LYPD3: variants seen among roughly 807,000 people sequenced by gnomAD.
LYPD3 encodes ly6/PLAUR domain-containing protein 3.
A neutral mutation model predicts 21.7 loss-of-function variants in LYPD3; 22 were observed. The observed-to-expected ratio is 1.01, with a 90% CI of 0.72 to 1.45. LYPD3 has a LOEUF of 1.45. Among genes scored for constraint, LYPD3 ranks in the 40% most tolerant of loss-of-function variants. The probability of loss-of-function intolerance (pLI) is 0.00; values close to 1 mark genes in which losing one functional copy is unlikely to be tolerated. For synonymous variants in LYPD3, 179 were observed against 203.0 expected (o/e 0.88, Z 1.00); for missense variants, 471 against 466.9 (o/e 1.01, Z -0.08).
At chr19:43,464,118 G>T in intron 2 of LYPD3, 1 of 750,254 alleles carries the variant, frequency 1.3e-6, no homozygotes, top group South Asian at 1.9e-5. Context: ...GCCCCACCCA[G>T]TTCTCAACTC....
Position 43,461,250 on chromosome 19 carries a change from G to A in LYPD3, c.*101C>T. 7.4e-7 allele frequency: 1 copy of A among 1,353,252 alleles called. No individual in the cohort carries two copies. The highest frequency in any genetic ancestry group is 9.9e-7 in the Non-Finnish European group (1 of 1,011,872). 83.8% of individuals were successfully genotyped at this position (1,353,252 alleles called of 1,614,324 possible). The stretch of plus-strand genomic sequence containing the variant: ...ACTGGGGAATGTTGGAAAAACAGGG[G>A]CTGGGCCAGCCCAGTCCAGTGGTGG... On this transcript the variant is annotated 3_prime_UTR_variant, in exon 5 of 5. Transcript: ENST00000244333.
Position 43,461,589 on chromosome 19 carries a change from G to A in LYPD3, c.803C>T (p.Thr268Ile). ...STSAPVRPTS[T>I]TKPMPAPTSQ... ...GGTTGGCGCTGGCATGGGTTTGGTG[G>A]TGGATGTGGGTCTCACTGGGGCCGA... Residue 268 changes from threonine to isoleucine, a missense_variant, in exon 5 of 5, where the codon ACC becomes ATC. Physicochemically the swap from Thr to Ile is moderately conservative, Grantham distance 89. Coordinates refer to ENST00000244333, the MANE Select transcript of LYPD3 (RefSeq NM_014400.3). 6.2e-7 allele frequency: 1 copy of A among 1,614,184 alleles called. No individual in the cohort carries two copies. Among genetic ancestry groups the A allele is most frequent in the Non-Finnish European group, 8.5e-7 (1 of 1,180,020 alleles).
In LYPD3 at chr19:43,461,235, G is replaced by T; in HGVS notation, c.*116C>A. 16 of 1,259,228 alleles carry T rather than the reference G, an allele frequency of 1.3e-5. 1 individual carries two copies. The South Asian group carries it at 2.2e-4, about 18-fold the overall frequency. 78.0% of individuals were successfully genotyped at this position (1,259,228 alleles called of 1,614,324 possible). Reference sequence around the variant, plus strand: ...GCAGAAGCTGGGGATACTGGGGAATGTTGGAAAAACAGGGGCTGGGCCAGC... The same window carrying T: ...GCAGAAGCTGGGGATACTGGGGAATTTTGGAAAAACAGGGGCTGGGCCAGC... On this transcript the variant is annotated 3_prime_UTR_variant, in exon 5 of 5. Transcript: ENST00000244333.
At chr19:43,463,981 C>T in intron 2 of LYPD3, 1 of 633,944 alleles carries the variant, frequency 1.6e-6, no homozygotes, top group Non-Finnish European at 2.7e-6. Flanking sequence ...GGAACGGGGG[C>T]GGAACCTCAA....
chr19:43,461,599 G>A lies in LYPD3; in HGVS notation c.793C>T (p.Pro265Ser), dbSNP rs747138379. 10 of 1,614,062 alleles carry A rather than the reference G, an allele frequency of 6.2e-6. No homozygotes were observed. The highest frequency in any genetic ancestry group is 8.5e-7 in the Non-Finnish European group (1 of 1,180,038). ...VTTSTSAPVR[P>S]TSTTKPMPAP... ...GGCATGGGTTTGGTGGTGGATGTGG[G>A]TCTCACTGGGGCCGAGGTAGAAGTG... is the stretch of plus-strand genomic sequence containing the variant. Residue 265 changes from proline to serine, a missense_variant, in exon 5 of 5, where the codon CCC (proline) becomes TCC (serine). By Grantham distance (74) the Pro-to-Ser change is moderately conservative. Coordinates refer to ENST00000244333, the MANE Select transcript of LYPD3 (RefSeq NM_014400.3).
chr19:43,465,319 A>G (rs1255721294), intron 1 of LYPD3, among the ~76,000 whole-genome samples, 174 bp downstream of exon 1: 2 of 152,106 alleles, frequency 1.3e-5, no homozygotes, highest in African/African-American at 4.8e-5. Context: ...CCTACGGCCC[A>G]TGGTGGAGGA....
chr19:43,463,271 G>A lies in LYPD3; in HGVS notation c.399C>T (p.Tyr133=), dbSNP rs79420167. ...TGTAGCACTCCACGCCGTTGGGCGG[G>A]TATGCACTCTCATTACCTGCGAGGG... ...ALDPAGNESA[Y]PPNGVECYSC... Residue 133 remains tyrosine, a synonymous_variant, in exon 4 of 5, where the codon TAC becomes TAT. Coordinates refer to ENST00000244333, the MANE Select transcript of LYPD3 (RefSeq NM_014400.3). 2,842 of 1,603,060 alleles carry A rather than the reference G, an allele frequency of 1.8e-3. 57 individuals are homozygous for A. The African/African-American group carries it at 0.034, about 19-fold the overall frequency.
At chr19:43,464,260 T>G (rs1970802208) in intron 2 of LYPD3, 65 bp downstream of exon 2, 1 of 1,541,648 alleles carries the variant, frequency 6.5e-7, no homozygotes, top group African/African-American at 1.4e-5. Flanking sequence ...GAAAGGACTA[T>G]AAGGAGGCGG....
rs540695220 is a variant in LYPD3, at chr19:43,463,037, C to T, written c.544+89G>A. ...CAGAATGCGTCGCAGGTTAAGGAAA[C>T]GCTTTGGGTAAAGGGCTCCCTACCG... On this transcript the variant is annotated intron_variant, in intron 4 of 4. Coordinates refer to ENST00000244333, the MANE Select transcript of LYPD3 (RefSeq NM_014400.3). 17 of 1,442,774 alleles carry T rather than the reference C, an allele frequency of 1.2e-5. No individual in the cohort carries two copies. The South Asian group carries it at 1.8e-4, about 15-fold the overall frequency. 89.4% of individuals were successfully genotyped at this position (1,442,774 alleles called of 1,614,324 possible).
At position 43,465,550 on chromosome 19, in the gene LYPD3, C is replaced by T; in HGVS notation, c.22G>A (p.Gly8Ser). 6.2e-7 allele frequency: 1 copy of T among 1,610,604 alleles called. No homozygotes were observed. The highest frequency in any genetic ancestry group is 8.5e-7 in the Non-Finnish European group (1 of 1,179,998). The change falls in exon 1 of 5, where the codon GGT becomes AGT. Residue 8 changes from glycine to serine, a missense_variant. Gly to Ser is a moderately conservative substitution (Grantham distance 56). Transcript: ENST00000244333. The stretch of plus-strand genomic sequence containing the variant: ...GCAGTCCAGATCATGGCCTGGGCAC[C>T]TGCTTTCCTGGCGGGGTCCATGGCT... The part of the protein sequence containing the change: MDPARKA[G>S]AQAMIWTAGW...
chr19:43,464,170 C>T, intron 2 of LYPD3, 155 bp downstream of exon 2: 1 of 997,534 alleles, frequency 1.0e-6, no homozygotes, highest in South Asian at 1.7e-5. Context: ...GAAGGCCTGG[C>T]CTGCAAGGCT....
Position 43,461,697 on chromosome 19 carries a change from G to C in LYPD3, c.695C>G (p.Ser232Cys). Residue 232 changes from serine (S) to cysteine (C), a missense_variant, in exon 5 of 5, where the codon TCC (serine) becomes TGC (cysteine). Coordinates refer to ENST00000244333, the MANE Select transcript of LYPD3 (RefSeq NM_014400.3). Reference protein sequence around the residue: ...NSDLRNKTYFSPRIPPLVRLP... With the variant: ...NSDLRNKTYFCPRIPPLVRLP... ...CCGGACAAGGGGTGGGATTCGAGGG[G>C]AGAAGTAGGTCTTGTTGCGGAGGTC... 5.0e-6 allele frequency: 8 copies of C among 1,614,148 alleles called. No homozygotes were observed. The highest frequency in any genetic ancestry group is 6.8e-6 in the Non-Finnish European group (8 of 1,180,024).
chr19:43,464,392 C>T lies in LYPD3; in HGVS notation c.144G>A (p.Lys48=), dbSNP rs145603683. The T allele has an allele frequency of 1.9e-6, 3 of 1,614,030 alleles. No homozygotes were observed. In the African/African-American group the frequency reaches 4.0e-5, roughly 22 times the overall value. Residue 48 remains lysine, a synonymous_variant, in exon 2 of 5, where the codon AAG becomes AAA. Coordinates refer to ENST00000244333, the MANE Select transcript of LYPD3 (RefSeq NM_014400.3). ...QKADDGCSPN[K]MKTVKCAPGV... is the part of the protein sequence containing the mutation. ...CCGGCGCGCACTTCACTGTCTTCAT[C>T]TTGTTCGGGGAGCATCCGTCATCTG...
rs779940275 is a variant in LYPD3, at chr19:43,461,597, G to A, written c.795C>T (p.Pro265=). ...VTTSTSAPVR[P]TSTTKPMPAP... ...CTGGCATGGGTTTGGTGGTGGATGT[G>A]GGTCTCACTGGGGCCGAGGTAGAAG... is the stretch of plus-strand genomic sequence containing the variant. The change falls in exon 5 of 5, where the codon CCC becomes CCT. Residue 265 remains proline, a synonymous_variant. Coordinates refer to ENST00000244333, the MANE Select transcript of LYPD3 (RefSeq NM_014400.3). The A allele has an allele frequency of 1.2e-6, 2 of 1,614,144 alleles. No homozygotes were observed. The highest frequency in any genetic ancestry group is 4.5e-5 in the East Asian group (2 of 44,882).
rs1446902150 is a variant in LYPD3, at chr19:43,463,670, T to C, written c.311A>G (p.Gln104Arg). ...GCGATCCTGAGCGCATTGCTGCAGCTGGATGAACGCCAGAAGCCCGTGAAG... is the reference window on the plus strand; with the variant it reads ...GCGATCCTGAGCGCATTGCTGCAGCCGGATGAACGCCAGAAGCCCGTGAAG... ...LDLHGLLAFI[Q>R]LQQCAQDRCN... is the part of the protein sequence containing the mutation. Residue 104 changes from glutamine (Q) to arginine (R), a missense_variant, in exon 3 of 5, where the codon CAG becomes CGG. Coordinates refer to ENST00000244333, the MANE Select transcript of LYPD3 (RefSeq NM_014400.3). 3 of 1,610,558 alleles carry C rather than the reference T, an allele frequency of 1.9e-6. No homozygotes were observed. Among genetic ancestry groups the C allele is most frequent in the African/African-American group, 1.3e-5 (1 of 75,062 alleles).
chr19:43,463,699 C>G lies in LYPD3; in HGVS notation c.282G>C (p.Leu94=). ...TGAACGCCAGAAGCCCGTGAAGATC[C>G]AGGCCGCGGTCATTCTTGCCGGGGA... The part of the protein sequence containing the change: ...SGLPGKNDRG[L]DLHGLLAFIQ... The change falls in exon 3 of 5, where the codon CTG becomes CTC. Residue 94 remains leucine, a synonymous_variant. Transcript: ENST00000244333. 1 of 1,612,806 alleles carries G rather than the reference C, an allele frequency of 6.2e-7. No homozygotes were observed. The highest frequency in any genetic ancestry group is 2.2e-5 in the East Asian group (1 of 44,882).
intron 4 of LYPD3, 33 bp from the exon 5 acceptor site, chr19:43,461,880 TGGAG>T: frequency 6.3e-7 from 1 of 1,585,710 alleles, no homozygotes; most frequent in South Asian, 1.1e-5. Context: ...GGTCAGTGGC[TGGAG>T]GGAGAGAGGT....
Position 43,463,588 on chromosome 19 carries a change from C to T in LYPD3, c.382+11G>A, listed in dbSNP as rs777551973. On this transcript the variant is annotated intron_variant, in intron 3 of 4. Coordinates refer to ENST00000244333, the MANE Select transcript of LYPD3 (RefSeq NM_014400.3). ...CTCCGCCCCCGCAGCTACGGCCCGG[C>T]CCCCACGGACCTGCCGGGTCGAGCG... The T allele has an allele frequency of 1.9e-6, 3 of 1,599,122 alleles. No homozygotes were observed. Among genetic ancestry groups the T allele is most frequent in the East Asian group, 2.2e-5 (1 of 44,844 alleles).
At position 43,461,282 on chromosome 19, in the gene LYPD3, G is replaced by A; in HGVS notation, c.*69C>T. ...CAGCCCAGTCCAGTGGTGGGAACAGGAAGTGATGAGAAGAGGGGTACCCAG... is the reference window on the plus strand; with the variant it reads ...CAGCCCAGTCCAGTGGTGGGAACAGAAAGTGATGAGAAGAGGGGTACCCAG... On this transcript the variant is annotated 3_prime_UTR_variant, in exon 5 of 5. Coordinates refer to ENST00000244333, the MANE Select transcript of LYPD3 (RefSeq NM_014400.3). 1 of 1,468,862 alleles carries A rather than the reference G, an allele frequency of 6.8e-7. No individual in the cohort carries two copies. Among genetic ancestry groups the A allele is most frequent in the Non-Finnish European group, 9.1e-7 (1 of 1,102,868 alleles). The allele number at this position is 1,468,862 out of a possible 1,614,324, so 91.0% of individuals were successfully genotyped here.
Sources: gnomAD v4.1 joint callset for allele counts (sites outside exome capture counted in the v4.1 genomes callset) on GRCh38, gnomAD v4.1.1 for gene constraint, MANE v1.5 for transcripts, NCBI Gene and HGNC (gene_info 2026-07-23, HGNC 2026-07-21) for gene names.